The following EPN2 variants were observed in gnomAD, a reference collection of about 807,000 sequenced individuals.
The protein encoded by EPN2 is epsin 2, also known as epsin-2.
EPN2 carries 34 observed loss-of-function variants against 61.7 expected under a neutral mutation model. The ratio of observed to expected loss-of-function variants is 0.55; its 90% CI spans 0.42 to 0.73. The LOEUF is 0.73. EPN2 is among the 30% of genes least tolerant of loss of function. The pLI, the probability that EPN2 is intolerant of heterozygous loss-of-function variation, is 0.00. For missense variants in EPN2, 714 were observed against 839.2 expected (o/e 0.85, Z 1.84); for synonymous variants, 349 against 353.6 (o/e 0.99, Z 0.15).
intron 1 of EPN2, among the ~76,000 whole-genome samples, chr17:19,263,575 G>C (rs1770792870): frequency 6.6e-6 from 1 of 152,222 alleles, no homozygotes; most frequent in African/African-American, 2.4e-5. Context: ...TTCACAGGAG[G>C]CATTGTGGCT....
chr17:19,263,209 A>G (rs28527432), intron 1 of EPN2, among the ~76,000 whole-genome samples: 4,798 of 152,316 alleles, frequency 0.032, 258 homozygotes, highest in African/African-American at 0.11. Flanking sequence ...TTGCCGTGCC[A>G]TGGCTGACTT....
chr17:19,323,971 C>T (rs1311503017), intron 7 of EPN2, among the ~76,000 whole-genome samples: 5 of 152,176 alleles, frequency 3.3e-5, no homozygotes, highest in Non-Finnish European at 7.3e-5. Context: ...GAATGAAGAG[C>T]ATCGGAAATG....
chr17:19,326,823 A>G (rs1486789274), intron 7 of EPN2, among the ~76,000 whole-genome samples: 5 of 152,154 alleles, frequency 3.3e-5, no homozygotes, highest in East Asian at 1.9e-4. Flanking sequence ...ACTCTAGTCC[A>G]TGCTGCTGGG....
chr17:19,254,647 T>A (rs1426054578), intron 1 of EPN2, among the ~76,000 whole-genome samples: 3 of 152,172 alleles, frequency 2.0e-5, no homozygotes, highest in Non-Finnish European at 2.9e-5. Flanking sequence ...CCATTAGTCC[T>A]GCTTAACAGA....
intron 7 of EPN2, 22 bp from the exon 8 acceptor site, chr17:19,328,689 C>A: frequency 1.9e-6 from 3 of 1,588,584 alleles, no homozygotes; most frequent in Non-Finnish European, 2.6e-6. Flanking sequence ...CATTTCTGAG[C>A]CCTGACCCTG....
At chr17:19,312,805 T>G in intron 6 of EPN2, 1 of 331,738 alleles carries the variant, frequency 3.0e-6, no homozygotes, top group Non-Finnish European at 5.6e-6. Context: ...AGGGATGGCG[T>G]TCTGGAGGAG....
chr17:19,275,620 C>T (rs999802561), intron 1 of EPN2, among the ~76,000 whole-genome samples: 4 of 152,078 alleles, frequency 2.6e-5, no homozygotes, highest in Admixed American at 2.6e-4. Flanking sequence ...AGCTGCTGGG[C>T]GGGGGAACTG....
chr17:19,250,816 C>G (rs1015302890), intron 1 of EPN2, among the ~76,000 whole-genome samples: 1 of 152,096 alleles, frequency 6.6e-6, no homozygotes, highest in South Asian at 2.1e-4. Context: ...GTCTACCTTT[C>G]TGTTCATACC....
intron 9 of EPN2, chr17:19,330,794 C>T (rs1243866042): frequency 6.6e-6 from 1 of 152,604 alleles, no homozygotes; most frequent in Admixed American, 6.5e-5. Context: ...CCAGGAGTTT[C>T]AGACCAGCCT....
intron 4 of EPN2, among the ~76,000 whole-genome samples, chr17:19,299,938 T>TCTG (rs1284705362): frequency 6.6e-6 from 1 of 152,232 alleles, no homozygotes; most frequent in East Asian, 1.9e-4. Context: ...TTGACCATTA[T>TCTG]CTGATGGGTG....
chr17:19,314,927 A>G (rs1384409555), intron 7 of EPN2, among the ~76,000 whole-genome samples: 2 of 152,210 alleles, frequency 1.3e-5, no homozygotes, highest in African/African-American at 4.8e-5. Flanking sequence ...GGCCACCATA[A>G]GTTATGGTTA....
At chr17:19,280,660 A>C (rs1372368011) in intron 1 of EPN2, among the ~76,000 whole-genome samples, 1 of 152,162 alleles carries the variant, frequency 6.6e-6, no homozygotes, top group Non-Finnish European at 1.5e-5. Flanking sequence ...AAATCATACA[A>C]AGTGCTTTTT....
intron 7 of EPN2, among the ~76,000 whole-genome samples, chr17:19,319,277 A>G (rs1210447471): frequency 6.6e-6 from 1 of 152,224 alleles, no homozygotes; most frequent in Non-Finnish European, 1.5e-5. Flanking sequence ...AACTGTGTTT[A>G]GAACCTCACT....
chr17:19,318,565 A>AAAAC (rs1469635695), intron 7 of EPN2, among the ~76,000 whole-genome samples: 2 of 145,402 alleles, frequency 1.4e-5, no homozygotes, highest in South Asian at 2.2e-4. Flanking sequence ...AAAAAAAAAA[A>AAAAC]AAGAGTAGGG....
chr17:19,321,418 A>T (rs1347451878), intron 7 of EPN2, among the ~76,000 whole-genome samples: 1 of 152,074 alleles, frequency 6.6e-6, no homozygotes, highest in Non-Finnish European at 1.5e-5. Context: ...GGATTTAGGG[A>T]TGGGGGACTG....
intron 4 of EPN2, among the ~76,000 whole-genome samples, chr17:19,307,233 A>C (rs1402742496): frequency 6.6e-6 from 1 of 152,206 alleles, no homozygotes; most frequent in Non-Finnish European, 1.5e-5. Flanking sequence ...ACTTTGGGAA[A>C]TATAATTGAG....
At chr17:19,259,526 A>T (rs1256369975) in intron 1 of EPN2, among the ~76,000 whole-genome samples, 1 of 151,978 alleles carries the variant, frequency 6.6e-6, no homozygotes, top group Non-Finnish European at 1.5e-5. Context: ...GTTAGCCAGG[A>T]TGGTCTCAAT....
At chr17:19,299,323 C>G (rs1424695523) in intron 4 of EPN2, among the ~76,000 whole-genome samples, 1 of 152,230 alleles carries the variant, frequency 6.6e-6, no homozygotes, top group Non-Finnish European at 1.5e-5. Context: ...TGTTGAAGTG[C>G]CCGCTCACCT....
chr17:19,331,779 T>C, intron 9 of EPN2, 74 bp from the exon 10 acceptor site: 1 of 1,309,946 alleles, frequency 7.6e-7, no homozygotes, highest in Non-Finnish European at 1.1e-6. Context: ...CAGGAGGCCA[T>C]GTTTTGTGTT....
Sources: allele counts gnomAD v4.1 joint callset (sites outside exome capture counted in the v4.1 genomes callset), GRCh38; gene constraint gnomAD v4.1.1; transcripts MANE v1.5; gene names NCBI Gene and HGNC (gene_info 2026-07-23, HGNC 2026-07-21).